Variants in ARHGAP25 observed in about 807,000 individuals in gnomAD.
ARHGAP25 encodes rho GTPase-activating protein 25.
ARHGAP25 carries 34 observed loss-of-function variants against 71.0 expected under a neutral mutation model. The ratio of observed to expected loss-of-function variants is 0.48; its 90% CI spans 0.36 to 0.64. The LOEUF (loss-of-function observed/expected upper bound fraction) is 0.64. Among genes scored for constraint, ARHGAP25 ranks in the 30% least tolerant of loss-of-function variants. The pLI is 0.00. For missense variants in ARHGAP25, 706 were observed against 805.1 expected, an observed-to-expected ratio of 0.88 and a Z score of 1.49; for synonymous variants, 282 against 296.5, an observed-to-expected ratio of 0.95 and a Z score of 0.50.
intron 1 of ARHGAP25, among the ~76,000 whole-genome samples, chr2:68,750,728 C>T (rs1676117988): frequency 6.6e-6 from 1 of 152,194 alleles, no homozygotes. Flanking sequence ...TCCTTCTTCT[C>T]TGAGGTTCCC....
chr2:68,802,039 G>C (rs1292001318), intron 4 of ARHGAP25, among the ~76,000 whole-genome samples: 1 of 152,170 alleles, frequency 6.6e-6, no homozygotes. Flanking sequence ...GCAAGAAACA[G>C]AGTTGCAAAA....
intron 6 of ARHGAP25, 135 bp downstream of exon 6, chr2:68,813,554 A>G: frequency 1.0e-6 from 1 of 969,466 alleles, no homozygotes; most frequent in East Asian, 2.7e-5. Flanking sequence ...CCTCAGCAAC[A>G]AAAGGTATAT....
intron 1 of ARHGAP25, among the ~76,000 whole-genome samples, chr2:68,743,815 C>T (rs72893982): frequency 0.027 from 4,130 of 152,014 alleles, 195 homozygotes; most frequent in African/African-American, 0.095. Flanking sequence ...TCAGGGGGCT[C>T]GTGGGACATG....
intron 1 of ARHGAP25, among the ~76,000 whole-genome samples, chr2:68,739,084 C>G (rs577509027): frequency 4.5e-4 from 69 of 152,340 alleles, no homozygotes; most frequent in African/African-American, 1.3e-3. Context: ...CTGATGTCAC[C>G]TCTGGGCCTT....
chr2:68,807,968 G>A (rs1312065083), intron 5 of ARHGAP25, among the ~76,000 whole-genome samples: 12 of 152,188 alleles, frequency 7.9e-5, no homozygotes, highest in East Asian at 3.8e-4. Flanking sequence ...ACAGTACTAC[G>A]TGATTCTGAC....
chr2:68,775,978 G>A (rs1457070317), intron 2 of ARHGAP25, among the ~76,000 whole-genome samples: 1 of 152,244 alleles, frequency 6.6e-6, no homozygotes, highest in African/African-American at 2.4e-5. Context: ...GCTAGCAGAT[G>A]TCACGAGTTA....
chr2:68,735,106 C>T lies in ARHGAP25; in HGVS notation c.-94C>T, dbSNP rs921129671. 1 of 1,111,882 alleles carries T rather than the reference C, an allele frequency of 9.0e-7. No individual in the cohort carries two copies. The highest frequency in any genetic ancestry group is 1.5e-5 in the African/African-American group (1 of 64,878). The allele number at this position is 1,111,882 out of a possible 1,614,324, so 68.9% of individuals were successfully genotyped here. On this transcript the variant is annotated 5_prime_UTR_variant, in exon 1 of 11. Coordinates refer to ENST00000409202, the MANE Select transcript of ARHGAP25 (RefSeq NM_001007231.3). The stretch of plus-strand genomic sequence containing the variant: ...AATCATAAGGAGGAACAAAAACAGA[C>T]ACAAAAACAGAGGGAAAGAGTGAAA...
chr2:68,751,523 TC>T (rs1676176802), intron 1 of ARHGAP25, among the ~76,000 whole-genome samples: 1 of 152,228 alleles, frequency 6.6e-6, no homozygotes, highest in Non-Finnish European at 1.5e-5. Context: ...ATTGCCATTT[TC>T]CCTTTCTGTT....
upstream of ARHGAP25, among the ~76,000 whole-genome samples, chr2:68,731,816 C>A (rs556905935): frequency 1.3e-4 from 19 of 151,622 alleles, no homozygotes; most frequent in South Asian, 6.3e-4. Context: ...GCATATACAC[C>A]CCCCCTAGCT....
intron 4 of ARHGAP25, among the ~76,000 whole-genome samples, chr2:68,788,872 G>C (rs1007538877): frequency 6.6e-6 from 1 of 152,236 alleles, no homozygotes; most frequent in African/African-American, 2.4e-5. Context: ...TTGGCCTACA[G>C]CTTCCTTCAG....
At chr2:68,738,487 A>G (rs1005736528) in intron 1 of ARHGAP25, among the ~76,000 whole-genome samples, 2 of 152,130 alleles carry the variant, frequency 1.3e-5, no homozygotes, top group Non-Finnish European at 2.9e-5. Context: ...CTTTCTTTAC[A>G]ATTCATTACC....
chr2:68,711,227 G>A lies in ARHGAP25; in HGVS notation c.-18+529G>A, dbSNP rs545978782. Among the ~76,000 whole-genome samples, 3 of 152,294 alleles carry A rather than the reference G, an allele frequency of 2.0e-5. No homozygotes were observed. The East Asian group carries it at 5.8e-4, about 29-fold the overall frequency. ...GACCTTCATGAACATCCATGGTGCT[G>A]GTTGTGGTGGATGGGGGAGGAATGG... On this transcript the variant is annotated intron_variant and NMD_transcript_variant, in intron 2 of 7. Coordinates refer to the ARHGAP25 transcript ENST00000463483.
At chr2:68,748,498 C>G (rs994829747) in intron 1 of ARHGAP25, among the ~76,000 whole-genome samples, 2 of 152,180 alleles carry the variant, frequency 1.3e-5, no homozygotes, top group Non-Finnish European at 2.9e-5. Context: ...CTGTTTCATG[C>G]ACTTTTAGAT....
At chr2:68,764,689 A>G (rs1002692539) in intron 1 of ARHGAP25, among the ~76,000 whole-genome samples, 3 of 152,118 alleles carry the variant, frequency 2.0e-5, no homozygotes, top group African/African-American at 7.2e-5. Context: ...AGGAGCTCTC[A>G]GGTCTCCATC....
intron 1 of ARHGAP25, among the ~76,000 whole-genome samples, chr2:68,755,323 A>T (rs917386315): frequency 1.3e-5 from 2 of 152,184 alleles, no homozygotes; most frequent in South Asian, 2.1e-4. Context: ...CCTCCCAAAG[A>T]TCATAAAAGC....
At chr2:68,744,042 A>G (rs1357546332) in intron 1 of ARHGAP25, among the ~76,000 whole-genome samples, 2 of 151,758 alleles carry the variant, frequency 1.3e-5, no homozygotes, top group East Asian at 3.8e-4. Flanking sequence ...ATCCTTCCAA[A>G]TTCATTTTTC....
At chr2:68,725,171 A>T (rs1674854383) in intron 2 of ARHGAP25, among the ~76,000 whole-genome samples, 1 of 152,188 alleles carries the variant, frequency 6.6e-6, no homozygotes, top group African/African-American at 2.4e-5. Flanking sequence ...AATCATGCGC[A>T]GTGAGCTGAG....
At chr2:68,755,900 T>A (rs1446897346) in intron 1 of ARHGAP25, among the ~76,000 whole-genome samples, 1 of 152,272 alleles carries the variant, frequency 6.6e-6, no homozygotes, top group African/African-American at 2.4e-5. Flanking sequence ...CTAAACAAGC[T>A]TATTATAAAA....
chr2:68,726,073 C>T (rs376620215), intron 2 of ARHGAP25, among the ~76,000 whole-genome samples: 31 of 152,314 alleles, frequency 2.0e-4, no homozygotes, highest in South Asian at 1.0e-3. Context: ...ACAGCCCTTA[C>T]CACCATCTAA....
Sources: gnomAD v4.1 joint callset for allele counts (sites outside exome capture counted in the v4.1 genomes callset) on GRCh38, gnomAD v4.1.1 for gene constraint, MANE v1.5 for transcripts, NCBI Gene and HGNC (gene_info 2026-07-23, HGNC 2026-07-21) for gene names.